EML4: variants seen among roughly 807,000 people sequenced by gnomAD.
EML4 encodes echinoderm microtubule-associated protein-like 4.
In EML4, 72 loss-of-function variants were observed where a neutral mutation model predicts 129.0. The observed-to-expected ratio is 0.56, with a 90% CI of 0.46 to 0.68. EML4 has a LOEUF of 0.68. Ranked by LOEUF, EML4 falls within the 30% of genes least tolerant of loss-of-function variation. The pLI, the probability that EML4 is intolerant of heterozygous loss-of-function variation, is 0.00. For missense variants in EML4, 1,363 were observed against 1,190.6 expected, an observed-to-expected ratio of 1.14 and a Z score of -2.13; for synonymous variants, 532 against 405.0, an observed-to-expected ratio of 1.31 and a Z score of -3.77.
Position 42,286,298 on chromosome 2 carries a change from T to C in EML4, c.1041T>C (p.Asp347=). Residue 347 remains aspartate, a synonymous_variant, in exon 10 of 23, where the codon GAT becomes GAC. Coordinates refer to ENST00000318522, the MANE Select transcript of EML4 (RefSeq NM_019063.5). ...RPLQPHVRVW[D]SVTLSTLQII... ...TACAACCCCACGTCAGAGTGTGGGA[T>C]TCTGTTACTCTATCCACACTGCAGA... 6.2e-7 allele frequency: 1 copy of C among 1,613,780 alleles called. No individual in the cohort carries two copies. Among genetic ancestry groups the C allele is most frequent in the Non-Finnish European group, 8.5e-7 (1 of 1,179,638 alleles).
intron 2 of EML4, among the ~76,000 whole-genome samples, chr2:42,253,900 G>T (rs900615050): frequency 2.0e-5 from 3 of 152,098 alleles, no homozygotes; most frequent in Non-Finnish European, 2.9e-5. Context: ...AGCTATAAGA[G>T]AAAAATCAAT....
At position 42,295,582 on chromosome 2, in the gene EML4, C is replaced by T; in HGVS notation, c.1489+66C>T. 2.8e-6 allele frequency: 4 copies of T among 1,423,876 alleles called. No individual in the cohort carries two copies. In the African/African-American group the frequency reaches 4.3e-5, roughly 15 times the overall value. The allele number at this position is 1,423,876 out of a possible 1,614,324, so 88.2% of individuals were successfully genotyped here. On this transcript the variant is annotated intron_variant, in intron 13 of 22. Coordinates refer to ENST00000318522, the MANE Select transcript of EML4 (RefSeq NM_019063.5). The stretch of plus-strand genomic sequence containing the variant: ...ACATAGTACTCTTTCAGTCCCATCT[C>T]TTAGACCAGGAGAGAAAGAGCTGCA...
chr2:42,266,441 C>G (rs1035894212), intron 6 of EML4, among the ~76,000 whole-genome samples: 5 of 152,158 alleles, frequency 3.3e-5, no homozygotes, highest in African/African-American at 7.2e-5. Context: ...GCCTCCTGGG[C>G]TCAAGCAGTC....
At chr2:42,193,335 A>G (rs56168455) in intron 1 of EML4, among the ~76,000 whole-genome samples, 1,599 of 152,322 alleles carry the variant, frequency 0.01, 30 homozygotes, top group African/African-American at 0.036. Context: ...GAACTGACAC[A>G]TGTCTGTACT....
Position 42,301,402 on chromosome 2 carries a change from G to A in EML4, c.1641+10G>A. 6.3e-7 allele frequency: 1 copy of A among 1,598,160 alleles called. No individual in the cohort carries two copies. The highest frequency in any genetic ancestry group is 8.5e-7 in the Non-Finnish European group (1 of 1,173,058). On this transcript the variant is annotated intron_variant, in intron 14 of 22. Transcript: ENST00000318522. ...TGAAAGAGAAATAGAGGTAAGGATG[G>A]AAACGGAATATAAAAATATTAAATA...
At chr2:42,315,666 G>C (rs1237412182) in intron 17 of EML4, among the ~76,000 whole-genome samples, 1 of 152,076 alleles carries the variant, frequency 6.6e-6, no homozygotes, top group Non-Finnish European at 1.5e-5. Context: ...TTGAGGCCAG[G>C]AGTTTAAGGC....
intron 1 of EML4, among the ~76,000 whole-genome samples, chr2:42,197,067 T>C (rs1390523485): frequency 6.6e-6 from 1 of 152,064 alleles, no homozygotes; most frequent in Non-Finnish European, 1.5e-5. Flanking sequence ...AGGAAGTAAA[T>C]TGTGTCTTTA....
At chr2:42,259,319 C>T (rs988268061) in intron 3 of EML4, among the ~76,000 whole-genome samples, 27 of 151,920 alleles carry the variant, frequency 1.8e-4, no homozygotes, top group African/African-American at 6.3e-4. Context: ...CTTTTCATCA[C>T]TGGAATTCAA....
At chr2:42,224,734 C>G (rs1293858262) in intron 1 of EML4, among the ~76,000 whole-genome samples, 1 of 152,034 alleles carries the variant, frequency 6.6e-6, no homozygotes. Flanking sequence ...TATAGCCATC[C>G]TGATGGTGTG....
At position 42,331,640 on chromosome 2, in the gene EML4, T is replaced by C. The variant is rs773643016; in HGVS notation, c.*1433T>C. ...CTTAAGTATGCAGGCGTTTACGTGA[T>C]TGTGCCATTCCAAAGTGCATCAGAA... is the stretch of plus-strand genomic sequence containing the variant. On this transcript the variant is annotated 3_prime_UTR_variant, in exon 23 of 23. Transcript: ENST00000318522. 1 of 223,716 alleles carries C rather than the reference T, an allele frequency of 4.5e-6. No individual in the cohort carries two copies. The highest frequency in any genetic ancestry group is 5.7e-5 in the Admixed American group (1 of 17,434). 13.9% of individuals were successfully genotyped at this position (223,716 alleles called of 1,614,324 possible).
intron 1 of EML4, among the ~76,000 whole-genome samples, chr2:42,201,465 A>G (rs1005518766): frequency 5.3e-5 from 8 of 152,230 alleles, no homozygotes; most frequent in African/African-American, 1.9e-4. Context: ...TTAAAAGTAT[A>G]ACGCTTTCTG....
chr2:42,275,377 T>C (rs1439305030), intron 6 of EML4, among the ~76,000 whole-genome samples: 1 of 152,230 alleles, frequency 6.6e-6, no homozygotes, highest in East Asian at 1.9e-4. Context: ...CAGGTCTAGA[T>C]CATAGTTTTA....
Position 42,303,437 on chromosome 2 carries a change from G to A in EML4, c.1890G>A (p.Arg630=). 1 of 1,613,726 alleles carries A rather than the reference G, an allele frequency of 6.2e-7. No individual in the cohort carries two copies. The part of the protein sequence containing the change: ...NSMEHRLEWT[R]LVDEPGHCAD... ...TGGAACACAGGCTGGAATGGACCAGGCTGGTAGATGTGAGTGAAGCAGGAT... is the reference window on the plus strand; with the variant it reads ...TGGAACACAGGCTGGAATGGACCAGACTGGTAGATGTGAGTGAAGCAGGAT... Residue 630 remains arginine (R), a synonymous_variant, in exon 16 of 23, where the codon AGG becomes AGA. Coordinates refer to ENST00000318522, the MANE Select transcript of EML4 (RefSeq NM_019063.5).
chr2:42,306,605 G>T (rs1668616814), intron 17 of EML4, among the ~76,000 whole-genome samples: 1 of 145,860 alleles, frequency 6.9e-6, no homozygotes, highest in African/African-American at 2.5e-5. Flanking sequence ...CCATTCTCCT[G>T]CCTCAGCCTC....
intron 20 of EML4, 44 bp downstream of exon 20, chr2:42,325,598 A>T (rs1669749114): frequency 1.5e-5 from 2 of 130,766 alleles, no homozygotes; most frequent in East Asian, 1.6e-4. Context: ...TGCTATGATT[A>T]TATTTATATA....
At chr2:42,230,492 C>G (rs972688009) in intron 1 of EML4, among the ~76,000 whole-genome samples, 1 of 152,058 alleles carries the variant, frequency 6.6e-6, no homozygotes, top group African/African-American at 2.4e-5. Context: ...CTGTAACCTC[C>G]GCCTCCCAGG....
intron 1 of EML4, among the ~76,000 whole-genome samples, chr2:42,221,651 T>C (rs1249280869): frequency 6.6e-6 from 1 of 151,962 alleles, no homozygotes; most frequent in African/African-American, 2.4e-5. Flanking sequence ...TTGCCCAAGC[T>C]GGAATGCAGT....
At chr2:42,251,719 A>G (rs990222364) in intron 2 of EML4, among the ~76,000 whole-genome samples, 1 of 152,240 alleles carries the variant, frequency 6.6e-6, no homozygotes, top group Non-Finnish European at 1.5e-5. Context: ...AGAATTCAAG[A>G]TAAATAGAAG....
intron 1 of EML4, chr2:42,208,107 C>G (rs1672667572): frequency 6.6e-6 from 1 of 152,136 alleles, no homozygotes; most frequent in African/African-American, 2.4e-5. Flanking sequence ...TGTTTACTAC[C>G]TTTTCAACTC....
Sources: gnomAD v4.1 joint callset for allele counts (sites outside exome capture counted in the v4.1 genomes callset) on GRCh38, gnomAD v4.1.1 for gene constraint, MANE v1.5 for transcripts, NCBI Gene and HGNC (gene_info 2026-07-23, HGNC 2026-07-21) for gene names.